The following ROR2 variants were observed in gnomAD, a reference collection of about 807,000 sequenced individuals.
ROR2 encodes tyrosine-protein kinase transmembrane receptor ROR2.
In ROR2, 33 loss-of-function variants were observed where a neutral mutation model predicts 74.9. That is an observed-to-expected ratio of 0.44 (90% confidence interval 0.33 to 0.59). ROR2 has a LOEUF of 0.59. ROR2 is among the 20% of genes least tolerant of loss of function. The pLI is 0.02. For synonymous variants in ROR2, 586 were observed against 558.7 expected, an observed-to-expected ratio of 1.05 and a Z score of -0.69; for missense variants, 1,216 against 1,313.8, an observed-to-expected ratio of 0.93 and a Z score of 1.15.
chr9:91,725,198 G>A, intron 8 of ROR2, 91 bp from the exon 9 acceptor site: 2 of 1,598,366 alleles, frequency 1.3e-6, no homozygotes, highest in South Asian at 1.1e-5. Context: ...GAGTCCCTGT[G>A]CGGCCACGAC....
At chr9:91,804,519 T>C (rs1370378202) in intron 1 of ROR2, among the ~76,000 whole-genome samples, 1 of 152,220 alleles carries the variant, frequency 6.6e-6, no homozygotes, top group East Asian at 1.9e-4. Flanking sequence ...GGAGACTGCA[T>C]GCTCATCTCC....
chr9:91,814,378 G>A (rs1827857564), intron 1 of ROR2, among the ~76,000 whole-genome samples: 1 of 152,124 alleles, frequency 6.6e-6, no homozygotes, highest in Admixed American at 6.5e-5. Context: ...ACGCACTCTA[G>A]CCTCCCCTTA....
At chr9:91,893,680 T>C (rs891411708) in intron 1 of ROR2, among the ~76,000 whole-genome samples, 2 of 152,162 alleles carry the variant, frequency 1.3e-5, no homozygotes, top group African/African-American at 4.8e-5. Context: ...CAGAAGATAT[T>C]CACATCCAAG....
chr9:91,800,400 G>A (rs966909283), intron 1 of ROR2, among the ~76,000 whole-genome samples: 2 of 151,736 alleles, frequency 1.3e-5, no homozygotes, highest in African/African-American at 2.4e-5. Context: ...TGTCATCTGT[G>A]GTGTACTGCA....
chr9:91,788,858 C>T (rs1221934769), intron 1 of ROR2, among the ~76,000 whole-genome samples: 1 of 123,620 alleles, frequency 8.1e-6, no homozygotes, highest in African/African-American at 3.0e-5. Flanking sequence ...GAGACTCTGT[C>T]TCAAAAAAAA....
At chr9:91,837,516 T>C (rs1278009528) in intron 1 of ROR2, among the ~76,000 whole-genome samples, 2 of 152,234 alleles carry the variant, frequency 1.3e-5, no homozygotes, top group Non-Finnish European at 2.9e-5. Context: ...GGAGAAGCCT[T>C]GCCATATTAA....
intron 1 of ROR2, among the ~76,000 whole-genome samples, chr9:91,923,403 G>T (rs1159588739): frequency 6.6e-6 from 1 of 152,176 alleles, no homozygotes; most frequent in East Asian, 1.9e-4. Flanking sequence ...AGCCACATGT[G>T]ATTAATGGCT....
At chr9:91,730,848 G>C in intron 7 of ROR2, 62 bp downstream of exon 7, 1 of 1,608,166 alleles carries the variant, frequency 6.2e-7, no homozygotes, top group South Asian at 1.1e-5. Flanking sequence ...AGGACAGAAC[G>C]CCCTCATCAC....
intron 1 of ROR2, among the ~76,000 whole-genome samples, chr9:91,847,450 T>C (rs933184651): frequency 8.5e-5 from 13 of 152,174 alleles, no homozygotes; most frequent in Admixed American, 7.2e-4. Context: ...CAGGCTTCAT[T>C]TGCATACCAC....
intron 1 of ROR2, among the ~76,000 whole-genome samples, chr9:91,937,102 C>T (rs1475672347): frequency 1.3e-5 from 2 of 150,876 alleles, no homozygotes; most frequent in Admixed American, 6.6e-5. Flanking sequence ...TGATTTTCTG[C>T]AGCCAGTAAC....
intron 1 of ROR2, among the ~76,000 whole-genome samples, chr9:91,801,580 T>A (rs906344003): frequency 1.3e-5 from 2 of 152,198 alleles, no homozygotes; most frequent in Non-Finnish European, 2.9e-5. Context: ...ATCACCCCCC[T>A]TGGCCTCCCA....
intron 1 of ROR2, among the ~76,000 whole-genome samples, chr9:91,890,121 T>G (rs1830388779): frequency 1.3e-5 from 2 of 152,196 alleles, no homozygotes; most frequent in African/African-American, 4.8e-5. Context: ...GCTCTTTTCT[T>G]AGAAAATGGC....
chr9:91,900,631 G>C (rs1287801062), intron 1 of ROR2, among the ~76,000 whole-genome samples: 1 of 152,222 alleles, frequency 6.6e-6, no homozygotes, highest in Non-Finnish European at 1.5e-5. Context: ...GGCCCCAGGA[G>C]AGGACTCCTC....
chr9:91,899,193 A>G (rs1356958666), intron 1 of ROR2, among the ~76,000 whole-genome samples: 1 of 152,172 alleles, frequency 6.6e-6, no homozygotes, highest in Non-Finnish European at 1.5e-5. Context: ...GGGATGGCAG[A>G]GCAGGAGTGT....
At chr9:91,909,852 T>TTG (rs202204739) in intron 1 of ROR2, among the ~76,000 whole-genome samples, 3,263 of 110,966 alleles carry the variant, frequency 0.029, 39 homozygotes, top group Non-Finnish European at 0.043. Flanking sequence ...GTTTTGTTTT[T>TTG]TTTTTTTTTT....
chr9:91,897,973 G>C (rs1830578504), intron 1 of ROR2, among the ~76,000 whole-genome samples: 1 of 152,084 alleles, frequency 6.6e-6, no homozygotes, highest in African/African-American at 2.4e-5. Context: ...AAGAGGAAGG[G>C]AGAAGGAGCA....
At chr9:91,851,538 C>T (rs1462898523) in intron 1 of ROR2, among the ~76,000 whole-genome samples, 1 of 152,130 alleles carries the variant, frequency 6.6e-6, no homozygotes, top group African/African-American at 2.4e-5. Flanking sequence ...GTTCTTCTTG[C>T]TCATTTTCAG....
rs1473858766 is a variant in ROR2 at position 91,740,214 on chromosome 9, C to T, written c.495-2696G>A. Among the ~76,000 whole-genome samples the T allele has an allele frequency of 6.6e-5, 10 of 152,218 alleles. No individual in the cohort carries two copies. In the East Asian group the frequency reaches 1.4e-3, roughly 21 times the overall value. ...GGAGGGTGCTCCTGCCATCATACCC[C>T]GCTCACACTTCCCTCACCGAAGCGG... On this transcript the variant is annotated intron_variant, in intron 4 of 8. Coordinates refer to ENST00000375708, the MANE Select transcript of ROR2 (RefSeq NM_004560.4).
chr9:91,937,630 A>G lies in ROR2; in HGVS notation c.97+12237T>C, dbSNP rs187421172. Among the ~76,000 whole-genome samples, 411 of 152,304 alleles carry G rather than the reference A, an allele frequency of 2.7e-3. 3 individuals carry two copies. Among genetic ancestry groups the G allele is most frequent in the Middle Eastern group, 0.02 (6 of 294 alleles). ...GCCCGACTCACTTGTTCCAATTTGT[A>G]GAGATAAATGTCTTCCCCAGGAGCT... is the stretch of plus-strand genomic sequence containing the variant. On this transcript the variant is annotated intron_variant, in intron 1 of 8. Transcript: ENST00000375708.
Sources: allele counts gnomAD v4.1 joint callset (sites outside exome capture counted in the v4.1 genomes callset), GRCh38; gene constraint gnomAD v4.1.1; transcripts MANE v1.5; gene names NCBI Gene and HGNC (gene_info 2026-07-23, HGNC 2026-07-21).